The following DNAH11 variants were observed in gnomAD, a reference collection of about 807,000 sequenced individuals.
DNAH11 encodes dynein axonemal heavy chain 11.
In DNAH11, 442 loss-of-function variants were observed where a neutral mutation model predicts 526.0. That is an observed-to-expected ratio of 0.84 (90% CI 0.78 to 0.91). The LOEUF is 0.91. Among genes scored for constraint, DNAH11 ranks in the 40% least tolerant of loss-of-function variants. The pLI is 0.00. For missense variants in DNAH11, 6,989 were observed against 5,448.7 expected (o/e 1.28, Z -8.90); for synonymous variants, 2,461 against 1,935.9 (o/e 1.27, Z -7.12).
chr7:21,577,084 C>G (rs575852585), intron 8 of DNAH11, among the ~76,000 whole-genome samples: 2 of 152,196 alleles, frequency 1.3e-5, no homozygotes, highest in Non-Finnish European at 2.9e-5. Context: ...CCTGGATTTT[C>G]CTGTTGCCTG....
intron 35 of DNAH11, among the ~76,000 whole-genome samples, chr7:21,697,025 A>G (rs909129278): frequency 4.6e-5 from 7 of 152,202 alleles, no homozygotes; most frequent in East Asian, 1.9e-4. Context: ...TAGTTTAGAT[A>G]GAAGAGATAT....
intron 18 of DNAH11, among the ~76,000 whole-genome samples, chr7:21,605,676 A>G (rs981497838): frequency 2.0e-5 from 3 of 152,080 alleles, no homozygotes; most frequent in Admixed American, 6.6e-5. Context: ...ATTGATTCAC[A>G]TTTTCATCCT....
intron 73 of DNAH11, among the ~76,000 whole-genome samples, chr7:21,871,997 G>A (rs1018348299): frequency 2.0e-5 from 3 of 151,666 alleles, no homozygotes; most frequent in African/African-American, 7.3e-5. Context: ...GGTGGTGGGT[G>A]CCTGTAGTCC....
chr7:21,702,963 G>A (rs140852919), intron 37 of DNAH11, among the ~76,000 whole-genome samples, 161 bp downstream of exon 37: 5 of 152,124 alleles, frequency 3.3e-5, no homozygotes, highest in Admixed American at 2.0e-4. Flanking sequence ...CCTTATAAGA[G>A]GTCACAAGTG....
chr7:21,617,664 A>G lies in DNAH11; in HGVS notation c.4141A>G (p.Thr1381Ala). The change falls in exon 23 of 82, where the codon ACG (threonine) becomes GCG (alanine). Residue 1381 changes from threonine to alanine, a missense_variant. By Grantham distance (58) the Thr-to-Ala change is moderately conservative. Coordinates refer to ENST00000409508, the MANE Select transcript of DNAH11 (RefSeq NM_001277115.2). ...NKEVRVWDAY[T>A]GLEGTVKDMT... ...GGAAGTCCGCGTCTGGGATGCTTAC[A>G]CGGGCCTGGAAGGCACAGTTAAGGA... 1 of 1,613,900 alleles carries G rather than the reference A, an allele frequency of 6.2e-7. No homozygotes were observed. Among genetic ancestry groups the G allele is most frequent in the Non-Finnish European group, 8.5e-7 (1 of 1,179,838 alleles).
chr7:21,612,352 G>A (rs1379670745), intron 20 of DNAH11, among the ~76,000 whole-genome samples: 2 of 151,850 alleles, frequency 1.3e-5, no homozygotes, highest in African/African-American at 4.8e-5. Flanking sequence ...TCAGGAGATC[G>A]AGACCATCCT....
intron 25 of DNAH11, among the ~76,000 whole-genome samples, chr7:21,628,562 T>C (rs1786457357): frequency 6.6e-6 from 1 of 152,162 alleles, no homozygotes; most frequent in Non-Finnish European, 1.5e-5. Context: ...TGGTTTTTCT[T>C]CTTGGTTCTA....
chr7:21,880,606 C>T, intron 74 of DNAH11, 96 bp from the exon 75 acceptor site: 2 of 1,315,906 alleles, frequency 1.5e-6, no homozygotes, highest in South Asian at 1.3e-5. Flanking sequence ...TAGTATCTCA[C>T]TCTCAAAGTT....
intron 74 of DNAH11, among the ~76,000 whole-genome samples, chr7:21,876,132 C>T (rs56689419): frequency 0.032 from 4,836 of 152,132 alleles, 264 homozygotes; most frequent in African/African-American, 0.11. Context: ...GATCTGCCCG[C>T]CTCGGCATCC....
At chr7:21,837,133 C>T (rs1020347101) in intron 65 of DNAH11, among the ~76,000 whole-genome samples, 1 of 152,146 alleles carries the variant, frequency 6.6e-6, no homozygotes, top group Admixed American at 6.5e-5. Flanking sequence ...GATGCTTATA[C>T]ACCATTGGTG....
At chr7:21,697,532 T>A (rs1466131691) in intron 35 of DNAH11, among the ~76,000 whole-genome samples, 1 of 152,212 alleles carries the variant, frequency 6.6e-6, no homozygotes, top group Non-Finnish European at 1.5e-5. Flanking sequence ...GGTCACTTTA[T>A]AATTATTTAT....
At chr7:21,783,031 T>G (rs901844139) in intron 57 of DNAH11, among the ~76,000 whole-genome samples, 1 of 152,178 alleles carries the variant, frequency 6.6e-6, no homozygotes, top group African/African-American at 2.4e-5. Flanking sequence ...GATGCCATTA[T>G]AAATGTTAAC....
At position 21,724,387 on chromosome 7, in the gene DNAH11, C is replaced by T. The variant is rs980698847; in HGVS notation, c.7267-1424C>T. Reference sequence around the variant, plus strand: ...TCTCCCTGCAAACACCGATCACCTCCTTCTGCCCAGTTTATAGGCCATAAT... The same window carrying T: ...TCTCCCTGCAAACACCGATCACCTCTTTCTGCCCAGTTTATAGGCCATAAT... On this transcript the variant is annotated intron_variant, in intron 44 of 81. Transcript: ENST00000409508. Among the ~76,000 whole-genome samples the T allele has an allele frequency of 2.6e-5, 4 of 152,240 alleles. No individual in the cohort carries two copies. The East Asian group carries it at 7.7e-4, about 29-fold the overall frequency.
intron 65 of DNAH11, among the ~76,000 whole-genome samples, chr7:21,825,769 C>T (rs1562568511): frequency 1.3e-5 from 2 of 151,914 alleles, no homozygotes; most frequent in African/African-American, 4.8e-5. Context: ...ACCAACCTGG[C>T]GAACACGGTG....
intron 14 of DNAH11, among the ~76,000 whole-genome samples, chr7:21,598,590 TAAATAAATAAATAAATA>T (rs1784953481): frequency 6.1e-5 from 3 of 48,796 alleles, no homozygotes; most frequent in Admixed American, 3.4e-4. Context: ...TATGCAAAAA[TAAATAAATAAATAAATA>T]AATAAATAAA....
At chr7:21,745,154 CTG>C (rs1301940881) in intron 51 of DNAH11, 91 bp downstream of exon 51, 1 of 1,322,612 alleles carries the variant, frequency 7.6e-7, no homozygotes, top group African/African-American at 1.5e-5. Context: ...ACTAAGCACT[CTG>C]AACCATCAGT....
chr7:21,733,577 T>C (rs902714899), intron 45 of DNAH11, among the ~76,000 whole-genome samples: 1 of 152,220 alleles, frequency 6.6e-6, no homozygotes, highest in African/African-American at 2.4e-5. Context: ...AAAACTGGTA[T>C]CACAAGATTG....
chr7:21,622,393 C>T (rs1159987587), intron 25 of DNAH11, among the ~76,000 whole-genome samples: 1 of 152,162 alleles, frequency 6.6e-6, no homozygotes, highest in East Asian at 1.9e-4. Context: ...GGCCATACTG[C>T]CCAAAGTAAT....
intron 25 of DNAH11, among the ~76,000 whole-genome samples, chr7:21,627,587 T>C (rs2128456916): frequency 6.6e-6 from 1 of 152,338 alleles, no homozygotes. Flanking sequence ...TAATTGGCTG[T>C]AAATGTATGG....
Sources: gnomAD v4.1 joint callset for allele counts (sites outside exome capture counted in the v4.1 genomes callset) on GRCh38, gnomAD v4.1.1 for gene constraint, MANE v1.5 for transcripts, NCBI Gene and HGNC (gene_info 2026-07-23, HGNC 2026-07-21) for gene names.